Variants in RTL4 observed in about 807,000 individuals in gnomAD.
RTL4 encodes the protein retrotransposon Gag-like protein 4.
Under a neutral mutation model 5.3 loss-of-function variants are expected in RTL4, and 4 were observed. That is an observed-to-expected ratio of 0.75 (90% confidence interval 0.37 to 1.72). The LOEUF (loss-of-function observed/expected upper bound fraction) is 1.72. Among genes scored for constraint, RTL4 ranks in the 40% most tolerant of loss-of-function variants. The pLI is 0.04. For missense variants in RTL4, 260 were observed against 227.1 expected (o/e 1.14, Z -0.93); for synonymous variants, 98 against 87.3 (o/e 1.12, Z -0.68).
chrX:112,249,083 T>G, the RTL4 span, among the ~76,000 whole-genome samples: 3 of 111,913 alleles, frequency 2.7e-5, no homozygotes, highest in Non-Finnish European at 5.6e-5. Context: ...GGGAGAGAAA[T>G]AAAGATGGGT....
At chrX:112,306,077 C>T in the RTL4 span, among the ~76,000 whole-genome samples, 1 of 111,393 alleles carries the variant, frequency 9.0e-6, no homozygotes, top group Non-Finnish European at 1.9e-5. Flanking sequence ...CCCTTCAAAA[C>T]TTATTGCTGG....
chrX:112,333,465 A>G, the RTL4 span, among the ~76,000 whole-genome samples: 19 of 111,816 alleles, frequency 1.7e-4, no homozygotes, highest in East Asian at 4.5e-3. Context: ...TATGTGTATC[A>G]AAACATTACT....
the RTL4 span, among the ~76,000 whole-genome samples, chrX:112,325,335 A>G: frequency 8.9e-6 from 1 of 111,955 alleles, no homozygotes; most frequent in Non-Finnish European, 1.9e-5. Flanking sequence ...AAGAGCCCAC[A>G]TTGCCAAGTC....
the RTL4 span, among the ~76,000 whole-genome samples, chrX:112,425,595 G>T: frequency 9.0e-6 from 1 of 111,269 alleles, no homozygotes; most frequent in African/African-American, 3.3e-5. Context: ...ATTTGGTGTC[G>T]TCAGTGTTTG....
At chrX:112,401,191 T>C in the RTL4 span, among the ~76,000 whole-genome samples, 1 of 112,038 alleles carries the variant, frequency 8.9e-6, no homozygotes, top group South Asian at 3.7e-4. Context: ...TTTCTATCCT[T>C]TACTTTTGAA....
the RTL4 span, among the ~76,000 whole-genome samples, chrX:112,431,181 G>A: frequency 1.8e-5 from 2 of 110,614 alleles, no homozygotes; most frequent in African/African-American, 6.6e-5. Flanking sequence ...AGGTTGGAGG[G>A]GGCTGGATTT....
chrX:112,253,381 C>A, the RTL4 span, among the ~76,000 whole-genome samples: 1 of 112,315 alleles, frequency 8.9e-6, no homozygotes, highest in Admixed American at 9.5e-5. Flanking sequence ...ATTAAAAATG[C>A]GTGGGGCTGT....
At chrX:112,403,696 C>T in the RTL4 span, among the ~76,000 whole-genome samples, 1 of 112,078 alleles carries the variant, frequency 8.9e-6, no homozygotes, top group Admixed American at 9.5e-5. Context: ...TCTGAGGAAA[C>T]TCTTCTTTTC....
At chrX:112,280,255 C>A in the RTL4 span, among the ~76,000 whole-genome samples, 1 of 110,766 alleles carries the variant, frequency 9.0e-6, no homozygotes, top group Admixed American at 9.7e-5. Context: ...TAATTGGGAG[C>A]TAAACATTGG....
At chrX:112,296,868 C>T in the RTL4 span, among the ~76,000 whole-genome samples, 1 of 108,964 alleles carries the variant, frequency 9.2e-6, no homozygotes, top group Non-Finnish European at 1.9e-5. Flanking sequence ...CCACCCCCCT[C>T]GGCCTCCAAA....
chrX:112,357,736 T>C, the RTL4 span, among the ~76,000 whole-genome samples: 6 of 111,729 alleles, frequency 5.4e-5, no homozygotes, highest in Non-Finnish European at 1.1e-4. Flanking sequence ...ACAACACTGA[T>C]ATAATCAGAG....
At chrX:112,113,106 G>A in the RTL4 span, among the ~76,000 whole-genome samples, 7 of 111,627 alleles carry the variant, frequency 6.3e-5, no homozygotes, top group South Asian at 2.7e-3. Flanking sequence ...ATGTCTAACA[G>A]TATCCTGTAA....
At chrX:112,349,084 T>C in the RTL4 span, among the ~76,000 whole-genome samples, 1 of 110,957 alleles carries the variant, frequency 9.0e-6, no homozygotes, top group African/African-American at 3.3e-5. Context: ...AACTCAAATT[T>C]GAATGTATGA....
At chrX:112,226,754 G>T in the RTL4 span, among the ~76,000 whole-genome samples, 4 of 79,714 alleles carry the variant, frequency 5.0e-5, no homozygotes, top group African/African-American at 6.5e-5. Flanking sequence ...TTCATACTTC[G>T]CATCCTCAAT....
the RTL4 span, among the ~76,000 whole-genome samples, chrX:112,092,782 C>G: frequency 2.7e-5 from 3 of 110,979 alleles, no homozygotes; most frequent in Non-Finnish European, 5.7e-5. Flanking sequence ...TCTGCACAAG[C>G]TCTCTCTTTG....
the RTL4 span, among the ~76,000 whole-genome samples, chrX:112,119,953 T>C: frequency 8.9e-6 from 1 of 112,390 alleles, no homozygotes; most frequent in Non-Finnish European, 1.9e-5. Flanking sequence ...GGGGTGGCTT[T>C]ACGTATTTTT....
chrX:112,268,649 GT>G, the RTL4 span, among the ~76,000 whole-genome samples: 6 of 111,474 alleles, frequency 5.4e-5, no homozygotes, highest in African/African-American at 2.0e-4. Context: ...ATAAAGAGGT[GT>G]TTTTTTCTTC....
the RTL4 span, among the ~76,000 whole-genome samples, chrX:112,156,284 C>A: frequency 8.9e-6 from 1 of 112,346 alleles, no homozygotes; most frequent in South Asian, 3.6e-4. Flanking sequence ...AGTCAAAAAG[C>A]TAACTTATTT....
At chrX:112,387,854 GAT>G in the RTL4 span, among the ~76,000 whole-genome samples, 63 of 112,029 alleles carry the variant, frequency 5.6e-4, no homozygotes, top group Non-Finnish European at 9.8e-4. Context: ...TGGGTAACAT[GAT>G]GCCTCCAGCT....
Sources: allele counts gnomAD v4.1 joint callset (sites outside exome capture counted in the v4.1 genomes callset), GRCh38; gene constraint gnomAD v4.1.1; transcripts MANE v1.5; gene names NCBI Gene and HGNC (gene_info 2026-07-23, HGNC 2026-07-21).